TUB: variants seen among roughly 807,000 people sequenced by gnomAD.
TUB encodes the protein tubby protein homolog.
Under a neutral mutation model 59.7 loss-of-function variants are expected in TUB, and 33 were observed. The observed-to-expected ratio is 0.55, with a 90% CI of 0.42 to 0.74. The LOEUF (loss-of-function observed/expected upper bound fraction) is 0.74. Ranked by LOEUF, TUB falls within the 30% of genes least tolerant of loss-of-function variation. TUB has a pLI of 0.00. For missense variants in TUB, 659 were observed against 672.0 expected (o/e 0.98, Z 0.21); for synonymous variants, 293 against 256.4 (o/e 1.14, Z -1.36).
At chr11:8,034,305 G>A (rs915141119), upstream of TUB, among the ~76,000 whole-genome samples, 1 of 152,148 alleles carries the variant, frequency 6.6e-6, no homozygotes, top group African/African-American at 2.4e-5. Context: ...GGGGTCTGAG[G>A]TCTGGACTCT....
At chr11:8,039,635 T>TC in intron 1 of TUB, 1 of 1,480,198 alleles carries the variant, frequency 6.8e-7, no homozygotes, top group Non-Finnish European at 9.0e-7. Context: ...CCCCTTCTTT[T>TC]CCTCCTCAGG....
chr11:8,037,389 T>C (rs1229420333), upstream of TUB, among the ~76,000 whole-genome samples: 2 of 152,218 alleles, frequency 1.3e-5, no homozygotes, highest in African/African-American at 4.8e-5. Flanking sequence ...CTGGAGGCCA[T>C]GAGTGTTAAC....
intron 2 of TUB, among the ~76,000 whole-genome samples, chr11:8,053,278 T>C (rs1307519458): frequency 6.6e-6 from 1 of 152,214 alleles, no homozygotes; most frequent in Non-Finnish European, 1.5e-5. Context: ...AACTTACTTC[T>C]AGGTTTGATT....
chr11:8,093,893 C>T (rs1381800087), intron 3 of TUB, among the ~76,000 whole-genome samples, 153 bp from the exon 4 acceptor site: 2 of 152,098 alleles, frequency 1.3e-5, no homozygotes, highest in Non-Finnish European at 2.9e-5. Flanking sequence ...GATGAGTGGG[C>T]CTGATCCTGT....
chr11:8,067,603 C>T (rs1156642136), intron 2 of TUB: 1 of 152,202 alleles, frequency 6.6e-6, no homozygotes, highest in Non-Finnish European at 1.5e-5. Context: ...CTCCTGTTTT[C>T]TTCCAGGCAC....
intron 2 of TUB, among the ~76,000 whole-genome samples, chr11:8,040,112 C>G (rs1383412707): frequency 1.3e-5 from 2 of 152,196 alleles, no homozygotes; most frequent in East Asian, 3.9e-4. Context: ...CCCCCCTGCC[C>G]TCCCATTGCC....
At chr11:8,089,477 A>G in intron 1 of TUB, 133 bp from the exon 2 acceptor site, 1 of 1,069,848 alleles carries the variant, frequency 9.3e-7, no homozygotes, top group Non-Finnish European at 1.4e-6. Flanking sequence ...TCCTTCTACC[A>G]TGTGGGCTCA....
intron 1 of TUB, among the ~76,000 whole-genome samples, chr11:8,039,223 G>C (rs1289396843): frequency 2.0e-5 from 3 of 152,166 alleles, no homozygotes; most frequent in African/African-American, 7.2e-5. Context: ...TGATCAGGGA[G>C]GCTTCATTAC....
chr11:8,057,068 A>G (rs757880466), intron 2 of TUB, among the ~76,000 whole-genome samples: 23 of 152,118 alleles, frequency 1.5e-4, no homozygotes, highest in Non-Finnish European at 3.4e-4. Context: ...CTGGCAGCTC[A>G]CAAGCTAGGC....
At chr11:8,096,831 A>G in intron 6 of TUB, 25 bp downstream of exon 6, 1 of 1,613,938 alleles carries the variant, frequency 6.2e-7, no homozygotes, top group Non-Finnish European at 8.5e-7. Context: ...CTGCATCCAC[A>G]GCAGTTTTTG....
intron 2 of TUB, among the ~76,000 whole-genome samples, chr11:8,054,008 G>A (rs1010682536): frequency 3.3e-5 from 5 of 151,798 alleles, no homozygotes; most frequent in East Asian, 2.0e-4. Context: ...CCAGCTACTC[G>A]GGAGGCTGAG....
At chr11:8,034,714 T>C (rs1242008516), upstream of TUB, among the ~76,000 whole-genome samples, 2 of 152,206 alleles carry the variant, frequency 1.3e-5, no homozygotes, top group African/African-American at 2.4e-5. Flanking sequence ...CTCCCAGTCA[T>C]GCAAACTTGC....
chr11:8,095,512 G>A lies in TUB; in HGVS notation c.412G>A (p.Ala138Thr). 1 of 1,610,616 alleles carries A rather than the reference G, an allele frequency of 6.2e-7. No individual in the cohort carries two copies. Among genetic ancestry groups the A allele is most frequent in the South Asian group, 1.1e-5 (1 of 90,976 alleles). ...GTGGCCTGCAGGCACCAGCGGGCCA[G>A]CAGCACTGGCAGAAGACAAGTCTGA... ...KGKHKGTSGP[A>T]ALAEDKSEAQ... Residue 138 changes from alanine to threonine, a missense_variant, in exon 5 of 12, where the codon GCA becomes ACA. Transcript: ENST00000299506.
At chr11:8,094,437 C>G (rs568000676) in intron 4 of TUB, among the ~76,000 whole-genome samples, 13 of 152,200 alleles carry the variant, frequency 8.5e-5, no homozygotes, top group Admixed American at 6.5e-5. Context: ...TCAGCTGTGG[C>G]CCAGAACCAC....
chr11:8,053,600 A>C (rs940263578), intron 2 of TUB, among the ~76,000 whole-genome samples: 21 of 150,678 alleles, frequency 1.4e-4, no homozygotes, highest in African/African-American at 5.1e-4. Context: ...TCCTGAGTTC[A>C]CGCCATTCTC....
rs754506814 is a variant in TUB at position 8,095,532 on chromosome 11, G to A, written c.432G>A (p.Lys144=). The A allele has an allele frequency of 2.5e-6, 4 of 1,612,830 alleles. No homozygotes were observed. The East Asian group carries it at 6.7e-5, about 27-fold the overall frequency. Residue 144 remains lysine (K), a synonymous_variant, in exon 5 of 12, where the codon AAG becomes AAA. Transcript: ENST00000299506. ...GGCCAGCAGCACTGGCAGAAGACAA[G>A]TCTGAGGCCCAAGGCCCAGTGCAGA... ...TSGPAALAED[K]SEAQGPVQIL...
intron 2 of TUB, among the ~76,000 whole-genome samples, chr11:8,052,181 T>C (rs1484436978): frequency 1.3e-5 from 2 of 152,220 alleles, no homozygotes; most frequent in Non-Finnish European, 1.5e-5. Context: ...AAAACTGGCT[T>C]ATTTCTCCAG....
upstream of TUB, chr11:8,076,945 A>G (rs1664755634): frequency 6.6e-6 from 1 of 152,156 alleles, no homozygotes; most frequent in Non-Finnish European, 1.5e-5. Flanking sequence ...AATCATCAAC[A>G]GTGGTGCAAT....
At chr11:8,019,340 G>A (rs1187242334) in exon 1 of TUB, 2 of 1,278,308 alleles carry the variant, frequency 1.6e-6, no homozygotes. Context: ...CTGTCTTACA[G>A]CCGCTGGAGC....
Sources: allele counts gnomAD v4.1 joint callset (sites outside exome capture counted in the v4.1 genomes callset), GRCh38; gene constraint gnomAD v4.1.1; transcripts MANE v1.5; gene names NCBI Gene and HGNC (gene_info 2026-07-23, HGNC 2026-07-21).